ENPP1: variants seen among roughly 807,000 people sequenced by gnomAD.
ENPP1 encodes ectonucleotide pyrophosphatase/phosphodiesterase 1.
ENPP1 carries 73 observed loss-of-function variants against 122.8 expected under a neutral mutation model. That is an observed-to-expected ratio of 0.59 (90% CI 0.49 to 0.72). The LOEUF (loss-of-function observed/expected upper bound fraction) is 0.72. ENPP1 is among the 30% of genes least tolerant of loss of function. The probability of loss-of-function intolerance (pLI) is 0.00; values close to 1 mark genes in which losing one functional copy is unlikely to be tolerated. For missense variants in ENPP1, 978 were observed against 1,128.1 expected (o/e 0.87, Z 1.91); for synonymous variants, 367 against 391.6 (o/e 0.94, Z 0.74).
At chr6:131,885,166 A>T in intron 23 of ENPP1, 103 bp downstream of exon 23, 1 of 1,080,352 alleles carries the variant, frequency 9.3e-7, no homozygotes, top group South Asian at 1.3e-5. Flanking sequence ...CCAGTGTCGT[A>T]TGTTTATGTG....
At chr6:131,834,210 A>T (rs939670890) in intron 1 of ENPP1, among the ~76,000 whole-genome samples, 1 of 152,240 alleles carries the variant, frequency 6.6e-6, no homozygotes, top group Non-Finnish European at 1.5e-5. Context: ...ACTGAGGCAG[A>T]AGTTATAGGT....
intron 18 of ENPP1, 199 bp downstream of exon 18, chr6:131,877,360 A>G (rs746629428): frequency 6.4e-5 from 40 of 621,020 alleles, no homozygotes; most frequent in Non-Finnish European, 9.4e-5. Flanking sequence ...TTTCCACTCT[A>G]TTTTTAATTC....
rs569502520 is a variant in ENPP1 at position 131,891,272 on chromosome 6, A to T, written c.*761A>T. Reference sequence around the variant, plus strand: ...TTAACATAGGTTTAAAATGGCTTCAAATGTGGCCCTATAGACGGTTAAAAT... The same window carrying T: ...TTAACATAGGTTTAAAATGGCTTCATATGTGGCCCTATAGACGGTTAAAAT... On this transcript the variant is annotated 3_prime_UTR_variant, in exon 25 of 25. Coordinates refer to ENST00000647893, the MANE Select transcript of ENPP1 (RefSeq NM_006208.3). 2 of 152,342 alleles carry T rather than the reference A, an allele frequency of 1.3e-5. No homozygotes were observed. Among genetic ancestry groups the T allele is most frequent in the African/African-American group, 4.8e-5 (2 of 41,572 alleles). The allele number at this position is 152,342 out of a possible 1,614,324, so 9.4% of individuals were successfully genotyped here.
chr6:131,826,484 A>G lies in ENPP1; in HGVS notation c.240+18209A>G, dbSNP rs565804163. The G allele has an allele frequency of 2.5e-4, 268 of 1,055,690 alleles. 4 individuals carry two copies. In the Middle Eastern group the frequency reaches 5.2e-3, roughly 21 times the overall value. 65.4% of individuals were successfully genotyped at this position (1,055,690 alleles called of 1,614,324 possible). A position where few individuals can be genotyped will look rare whatever the true frequency, so the allele number is the denominator to read the frequency against. On this transcript the variant is annotated intron_variant, in intron 1 of 24. Coordinates refer to ENST00000647893, the MANE Select transcript of ENPP1 (RefSeq NM_006208.3). ...ATGTTATTGTGCCATAAGTTTAAGC[A>G]GGAAAGATTCTGAAGATGCTGACAG...
At chr6:131,822,493 A>G (rs1562510241) in intron 1 of ENPP1, among the ~76,000 whole-genome samples, 2 of 152,148 alleles carry the variant, frequency 1.3e-5, no homozygotes, top group Non-Finnish European at 2.9e-5. Context: ...CAAAAAATTC[A>G]GAAAATATAA....
intron 12 of ENPP1, among the ~76,000 whole-genome samples, chr6:131,869,025 C>T (rs1782124379): frequency 6.6e-6 from 1 of 152,092 alleles, no homozygotes; most frequent in Non-Finnish European, 1.5e-5. Flanking sequence ...ACATACACTC[C>T]CAGTTAATAT....
intron 1 of ENPP1, among the ~76,000 whole-genome samples, chr6:131,834,085 A>G (rs560379408): frequency 2.0e-5 from 3 of 152,358 alleles, no homozygotes; most frequent in East Asian, 3.9e-4. Context: ...TGAAAGCTCA[A>G]TGAAACCATT....
intron 24 of ENPP1, among the ~76,000 whole-genome samples, chr6:131,889,633 A>G (rs1401077358): frequency 6.6e-6 from 1 of 152,104 alleles, no homozygotes; most frequent in Non-Finnish European, 1.5e-5. Context: ...CATTGACCAT[A>G]TACACCATAG....
At chr6:131,822,888 T>C (rs1781499869) in intron 1 of ENPP1, among the ~76,000 whole-genome samples, 4 of 152,210 alleles carry the variant, frequency 2.6e-5, no homozygotes, top group Admixed American at 2.0e-4. Context: ...ATGGTTAAAT[T>C]ACTAGTTTTT....
At chr6:131,830,408 C>T (rs1000585748) in intron 1 of ENPP1, among the ~76,000 whole-genome samples, 7 of 152,180 alleles carry the variant, frequency 4.6e-5, no homozygotes, top group Admixed American at 2.0e-4. Context: ...AGCTGAGACA[C>T]TCCCTATAGG....
At chr6:131,872,042 A>G (rs199757795) in intron 13 of ENPP1, 28 bp from the exon 14 acceptor site, 4 of 1,510,608 alleles carry the variant, frequency 2.6e-6, no homozygotes, top group Non-Finnish European at 3.7e-6. Flanking sequence ...ACAATCAACT[A>G]TTAATTCTTA....
intron 1 of ENPP1, among the ~76,000 whole-genome samples, chr6:131,818,736 G>A (rs1348287597): frequency 2.6e-5 from 4 of 152,094 alleles, no homozygotes; most frequent in Admixed American, 2.6e-4. Flanking sequence ...TGACACAATT[G>A]GAAGTATGCA....
intron 18 of ENPP1, among the ~76,000 whole-genome samples, chr6:131,878,251 C>T (rs1192016578): frequency 1.3e-5 from 2 of 151,932 alleles, no homozygotes; most frequent in East Asian, 3.9e-4. Context: ...AAAAAATTAG[C>T]TGGGCATGGT....
In ENPP1 at chr6:131,851,210, TC is replaced by T. The variant is rs1263033072; in HGVS notation, c.500del (p.Ser167Ter). 2 of 1,614,014 alleles carry T rather than the reference TC, an allele frequency of 1.2e-6. No individual in the cohort carries two copies. On this transcript the variant is annotated frameshift_variant, in exon 4 of 25. Coordinates refer to ENST00000647893, the MANE Select transcript of ENPP1 (RefSeq NM_006208.3). LOFTEE classifies it high-confidence loss of function. ...GTTGACCAGAAGCCTCTGTGCCTGTTCAGATGACTGCAAGGACAAGGGCGAC... is the reference window on the plus strand; with the variant it reads ...GTTGACCAGAAGCCTCTGTGCCTGTTAGATGACTGCAAGGACAAGGGCGAC... ...KRLTRSLCAC[S>X]DDCKDKGDCC... is the part of the protein sequence containing the mutation.
In ENPP1 at chr6:131,886,753, A is replaced by G. The variant is rs1286221338; in HGVS notation, c.2607+29A>G. On this transcript the variant is annotated intron_variant, in intron 24 of 24. Transcript: ENST00000647893. The stretch of plus-strand genomic sequence containing the variant: ...AGTAGCTTTTGTATATTTACTTTGC[A>G]TGTTGAAAATCTAGACATATGCATA... 1.4e-5 allele frequency: 23 copies of G among 1,601,580 alleles called. No individual in the cohort carries two copies. In the Admixed American group the frequency reaches 2.5e-4, roughly 18 times the overall value.
In ENPP1 at chr6:131,882,148, A is replaced by C. The variant is rs190080628; in HGVS notation, c.2101-197A>C. Among the ~76,000 whole-genome samples, 34 of 152,152 alleles carry C rather than the reference A, an allele frequency of 2.2e-4. No homozygotes were observed. The East Asian group carries it at 6.6e-3, about 29-fold the overall frequency. Reference sequence around the variant, plus strand: ...AATATTTGCATAAATATGACAATTAATATCTTTAATATTGTAAAGCATTTT... The same window carrying C: ...AATATTTGCATAAATATGACAATTACTATCTTTAATATTGTAAAGCATTTT... On this transcript the variant is annotated intron_variant, in intron 20 of 24. Coordinates refer to ENST00000647893, the MANE Select transcript of ENPP1 (RefSeq NM_006208.3).
intron 13 of ENPP1, among the ~76,000 whole-genome samples, 175 bp downstream of exon 13, chr6:131,869,664 A>G (rs1782135150): frequency 6.6e-6 from 1 of 151,922 alleles, no homozygotes; most frequent in African/African-American, 2.4e-5. Context: ...CCCTAAAAAT[A>G]CATATACGAT....
chr6:131,881,724 A>G lies in ENPP1; in HGVS notation c.2101-621A>G, dbSNP rs1308640840. Among the ~76,000 whole-genome samples, 5 of 152,214 alleles carry G rather than the reference A, an allele frequency of 3.3e-5. No individual in the cohort carries two copies. In the East Asian group the frequency reaches 7.7e-4, roughly 24 times the overall value. ...TGGTGAAACCCTGTCTCTACTAAAA[A>G]TACAAAAAATTAGCCAGGCGTGGTG... is the stretch of plus-strand genomic sequence containing the variant. On this transcript the variant is annotated intron_variant, in intron 20 of 24. Transcript: ENST00000647893.
chr6:131,809,741 T>C (rs925643421), intron 1 of ENPP1, among the ~76,000 whole-genome samples: 4 of 152,216 alleles, frequency 2.6e-5, no homozygotes, highest in Non-Finnish European at 4.4e-5. Context: ...CCTATAAACC[T>C]TTACAGGTTT....
Sources: allele counts gnomAD v4.1 joint callset (sites outside exome capture counted in the v4.1 genomes callset), GRCh38; gene constraint gnomAD v4.1.1; transcripts MANE v1.5; gene names NCBI Gene and HGNC (gene_info 2026-07-23, HGNC 2026-07-21).